The following PRLR variants were observed in gnomAD, a reference collection of about 807,000 sequenced individuals.
PRLR encodes the protein prolactin receptor, also known as hPRL receptor.
A neutral mutation model predicts 40.2 loss-of-function variants in PRLR; 13 were observed. The ratio of observed to expected loss-of-function variants is 0.32; its 90% confidence interval spans 0.21 to 0.51. PRLR has a LOEUF of 0.51. Ranked by LOEUF, PRLR falls within the 20% of genes least tolerant of loss-of-function variation. The probability of loss-of-function intolerance (pLI) is 0.97; values close to 1 mark genes in which losing one functional copy is unlikely to be tolerated. For synonymous variants in PRLR, 269 were observed against 278.7 expected (o/e 0.97, Z 0.35); for missense variants, 656 against 747.3 (o/e 0.88, Z 1.42).
intron 1 of PRLR, among the ~76,000 whole-genome samples, chr5:35,128,908 T>G (rs542786871): frequency 4.7e-4 from 71 of 152,264 alleles, no homozygotes; most frequent in African/African-American, 1.7e-3. Context: ...GACCTGTAAA[T>G]CTGTCTCCAT....
At chr5:35,096,929 T>G (rs1469875872) in intron 2 of PRLR, among the ~76,000 whole-genome samples, 1 of 152,192 alleles carries the variant, frequency 6.6e-6, no homozygotes, top group Non-Finnish European at 1.5e-5. Context: ...CTTAAAATTT[T>G]TCATTTCTTT....
intron 2 of PRLR, among the ~76,000 whole-genome samples, chr5:35,112,402 G>T (rs928785263): frequency 1.3e-5 from 2 of 152,142 alleles, no homozygotes; most frequent in Non-Finnish European, 2.9e-5. Flanking sequence ...CTGAGAAGCT[G>T]GGTGCTTGTT....
chr5:35,119,854 T>C (rs1298146759), intron 1 of PRLR, among the ~76,000 whole-genome samples: 1 of 152,088 alleles, frequency 6.6e-6, no homozygotes. Context: ...GTGGGACATC[T>C]GGAACAGCAG....
At chr5:35,130,307 C>T (rs1773625314) in intron 1 of PRLR, 1 of 152,082 alleles carries the variant, frequency 6.6e-6, no homozygotes, top group Non-Finnish European at 1.5e-5. Flanking sequence ...TGGCTCGATT[C>T]AAGGCAGCTG....
intron 2 of PRLR, among the ~76,000 whole-genome samples, chr5:35,097,709 G>A (rs1042345064): frequency 3.9e-5 from 6 of 152,158 alleles, no homozygotes; most frequent in African/African-American, 1.2e-4. Context: ...CCAAAGGCAG[G>A]TCTGATGCTG....
chr5:35,196,162 T>C (rs1561359837), intron 1 of PRLR, among the ~76,000 whole-genome samples: 1 of 152,160 alleles, frequency 6.6e-6, no homozygotes. Context: ...ATTCTGAAAC[T>C]GTGTTTAGCA....
Position 35,160,433 on chromosome 5 carries a change from C to T in PRLR, c.-105-42311G>A, listed in dbSNP as rs907024058. The stretch of plus-strand genomic sequence containing the variant: ...CTCTTACCTTTAGTGGTCAAGCTGC[C>T]TTAATTACTCCTGGGCTGAGGCCAA... On this transcript the variant is annotated intron_variant, in intron 1 of 9. Coordinates refer to ENST00000618457, the MANE Select transcript of PRLR (RefSeq NM_000949.7). Among the ~76,000 whole-genome samples the T allele has an allele frequency of 3.9e-5, 6 of 152,256 alleles. No individual in the cohort carries two copies. The East Asian group carries it at 7.7e-4, about 20-fold the overall frequency.
At chr5:35,152,456 G>GC (rs5867270) in intron 1 of PRLR, among the ~76,000 whole-genome samples, 139,465 of 152,060 alleles carry the variant, frequency 0.92, 64,158 homozygotes, top group South Asian at 0.96. Flanking sequence ...AGTAAATATT[G>GC]CCCCTCCCAC....
At chr5:35,109,669 A>T (rs1444860401) in intron 2 of PRLR, among the ~76,000 whole-genome samples, 2 of 152,218 alleles carry the variant, frequency 1.3e-5, no homozygotes, top group African/African-American at 4.8e-5. Flanking sequence ...ACAATGAGAT[A>T]CCATCTCACA....
chr5:35,171,666 G>A lies in PRLR; in HGVS notation c.-105-53544C>T, dbSNP rs75867411. ...CAGTGGAAGACATTTGGAAGCTTGG[G>A]GCAGTGGAATTTGCCAACTGAAACA... On this transcript the variant is annotated intron_variant, in intron 1 of 9. Coordinates refer to ENST00000618457, the MANE Select transcript of PRLR (RefSeq NM_000949.7). Among the ~76,000 whole-genome samples, 1,012 of 152,238 alleles carry A rather than the reference G, an allele frequency of 6.6e-3. 3 individuals carry two copies. Among genetic ancestry groups the A allele is most frequent in the Middle Eastern group, 0.014 (4 of 294 alleles).
chr5:35,189,843 C>A (rs1379639703), intron 1 of PRLR, among the ~76,000 whole-genome samples: 1 of 152,110 alleles, frequency 6.6e-6, no homozygotes, highest in Non-Finnish European at 1.5e-5. Context: ...CCAAGCCCTT[C>A]AAATAATAGT....
intron 1 of PRLR, among the ~76,000 whole-genome samples, chr5:35,198,337 T>C (rs1170151511): frequency 6.6e-6 from 1 of 152,220 alleles, no homozygotes; most frequent in Non-Finnish European, 1.5e-5. Flanking sequence ...TGGAGCACTT[T>C]ATAATAACAT....
intron 2 of PRLR, among the ~76,000 whole-genome samples, chr5:35,102,012 T>C (rs890471032): frequency 6.6e-6 from 1 of 151,890 alleles, no homozygotes; most frequent in African/African-American, 2.4e-5. Context: ...GTTTTTTTAG[T>C]AGAGACAGGG....
At chr5:35,182,790 C>T (rs111559186) in intron 1 of PRLR, among the ~76,000 whole-genome samples, 3 of 152,308 alleles carry the variant, frequency 2.0e-5, no homozygotes, top group African/African-American at 7.2e-5. Flanking sequence ...TCAGATTCCA[C>T]AAACCACGCT....
intron 1 of PRLR, among the ~76,000 whole-genome samples, chr5:35,124,911 T>C (rs1318176039): frequency 1.1e-4 from 16 of 152,206 alleles, no homozygotes; most frequent in Admixed American, 1.0e-3. Flanking sequence ...GTAATAACTT[T>C]AACAAGAGAA....
chr5:35,205,872 T>G (rs1456801930), intron 1 of PRLR, among the ~76,000 whole-genome samples: 1 of 152,202 alleles, frequency 6.6e-6, no homozygotes, highest in Non-Finnish European at 1.5e-5. Context: ...GCCCAGTACA[T>G]ATTGAACAGG....
chr5:35,052,101 A>G (rs1433762036), downstream of PRLR, among the ~76,000 whole-genome samples: 1 of 152,194 alleles, frequency 6.6e-6, no homozygotes, highest in Non-Finnish European at 1.5e-5. Context: ...ACTTAATCCT[A>G]GAAGATTTTA....
chr5:35,076,080 A>G (rs566637293), intron 5 of PRLR, among the ~76,000 whole-genome samples: 30 of 152,308 alleles, frequency 2.0e-4, no homozygotes, highest in African/African-American at 7.2e-4. Flanking sequence ...AACCACAAAG[A>G]TGGGGAGAAA....
chr5:35,166,518 G>A (rs1022619442), intron 1 of PRLR, among the ~76,000 whole-genome samples: 5 of 152,084 alleles, frequency 3.3e-5, no homozygotes, highest in Non-Finnish European at 5.9e-5. Flanking sequence ...AGTCCACAGA[G>A]TTAACCAGGT....
Sources: allele counts gnomAD v4.1 joint callset (sites outside exome capture counted in the v4.1 genomes callset), GRCh38; gene constraint gnomAD v4.1.1; transcripts MANE v1.5; gene names NCBI Gene and HGNC (gene_info 2026-07-23, HGNC 2026-07-21).